Variants in KIF16B observed in about 807,000 individuals in gnomAD.
KIF16B encodes the protein kinesin-like protein KIF16B.
In KIF16B, 98 loss-of-function variants were observed where a neutral mutation model predicts 156.3. The observed-to-expected ratio is 0.63, with a 90% CI of 0.53 to 0.74. The LOEUF is 0.74. Among genes scored for constraint, KIF16B ranks in the 30% least tolerant of loss-of-function variants. The probability of loss-of-function intolerance (pLI) is 0.00; values close to 1 mark genes in which losing one functional copy is unlikely to be tolerated. For synonymous variants in KIF16B, 564 were observed against 583.7 expected (o/e 0.97, Z 0.49); for missense variants, 1,421 against 1,606.5 (o/e 0.88, Z 1.97).
chr20:16,496,780 A>G (rs1471677971), intron 11 of KIF16B, among the ~76,000 whole-genome samples: 1 of 152,238 alleles, frequency 6.6e-6, no homozygotes, highest in Non-Finnish European at 1.5e-5. Flanking sequence ...AATAGGGATT[A>G]AGAAATTAAT....
intron 15 of KIF16B, among the ~76,000 whole-genome samples, chr20:16,423,796 C>T (rs570539803): frequency 6.6e-6 from 1 of 152,172 alleles, no homozygotes; most frequent in African/African-American, 2.4e-5. Context: ...CCACAGAGAA[C>T]AGACAGTTGA....
At chr20:16,427,840 T>C (rs750494996) in intron 14 of KIF16B, among the ~76,000 whole-genome samples, 2 of 152,158 alleles carry the variant, frequency 1.3e-5, no homozygotes, top group African/African-American at 2.4e-5. Context: ...TATCTATTCA[T>C]GTATAACTCT....
intron 12 of KIF16B, among the ~76,000 whole-genome samples, chr20:16,474,740 A>C (rs1025703667): frequency 3.9e-5 from 6 of 152,230 alleles, no homozygotes; most frequent in Admixed American, 6.5e-5. Flanking sequence ...CATAGACCTC[A>C]GCTCTGGCAA....
intron 17 of KIF16B, among the ~76,000 whole-genome samples, 199 bp from the exon 18 acceptor site, chr20:16,381,946 G>A (rs1375018889): frequency 6.6e-6 from 1 of 152,154 alleles, no homozygotes; most frequent in Non-Finnish European, 1.5e-5. Context: ...TTGGGTACTT[G>A]AACTCAGGCT....
At chr20:16,503,908 A>G (rs1406467036) in intron 10 of KIF16B, among the ~76,000 whole-genome samples, 1 of 152,200 alleles carries the variant, frequency 6.6e-6, no homozygotes, top group Admixed American at 6.5e-5. Flanking sequence ...GGTGTAATAT[A>G]CATGTGTCGC....
Position 16,573,268 on chromosome 20 carries a change from G to T in KIF16B, c.8C>A (p.Ser3Ter). The T allele has an allele frequency of 6.2e-7, 1 of 1,609,290 alleles. No individual in the cohort carries two copies. Among genetic ancestry groups the T allele is most frequent in the Non-Finnish European group, 8.5e-7 (1 of 1,178,772 alleles). ...CCGGACCCTCACGGCCACCTTGACC[G>T]ATGCCATCGCTCATCCCGAACCAGC... The part of the protein sequence containing the change: MA[S>*]VKVAVRVRPM... The change falls in exon 1 of 26, where the codon TCG becomes TAG. Residue 3 changes from serine to a stop codon, truncating the protein, a stop_gained. Coordinates refer to ENST00000354981, the MANE Select transcript of KIF16B (RefSeq NM_024704.5). LOFTEE classifies it high-confidence loss of function.
At chr20:16,453,384 C>T (rs764855906) in intron 12 of KIF16B, among the ~76,000 whole-genome samples, 2 of 152,004 alleles carry the variant, frequency 1.3e-5, no homozygotes, top group Non-Finnish European at 2.9e-5. Context: ...AAATAAAATA[C>T]TATAAATTTC....
chr20:16,517,337 A>G (rs2069175585), intron 3 of KIF16B, among the ~76,000 whole-genome samples: 1 of 152,252 alleles, frequency 6.6e-6, no homozygotes, highest in Non-Finnish European at 1.5e-5. Flanking sequence ...AAGAGCTGAC[A>G]GTTTTCAATC....
At chr20:16,558,396 T>C (rs1486572479) in intron 1 of KIF16B, among the ~76,000 whole-genome samples, 4 of 152,280 alleles carry the variant, frequency 2.6e-5, no homozygotes, top group African/African-American at 9.6e-5. Flanking sequence ...TTGATGTGTC[T>C]CTCCCACACC....
chr20:16,280,121 A>T (rs1343352513), intron 25 of KIF16B, among the ~76,000 whole-genome samples: 2 of 152,252 alleles, frequency 1.3e-5, no homozygotes, highest in Non-Finnish European at 2.9e-5. Flanking sequence ...CTTTGGAGTT[A>T]CTGGAAAAAT....
chr20:16,366,024 G>A (rs569204012), intron 22 of KIF16B, among the ~76,000 whole-genome samples: 17 of 152,086 alleles, frequency 1.1e-4, no homozygotes, highest in African/African-American at 3.9e-4. Flanking sequence ...AGGGTCAGGT[G>A]AAATTAAAAA....
At chr20:16,408,460 A>G (rs2065840602) in intron 15 of KIF16B, among the ~76,000 whole-genome samples, 1 of 152,188 alleles carries the variant, frequency 6.6e-6, no homozygotes, top group Admixed American at 6.6e-5. Context: ...CTAAGCAGCC[A>G]CGTCTAGGAT....
At chr20:16,503,440 A>G (rs1448374523) in intron 10 of KIF16B, among the ~76,000 whole-genome samples, 9 of 152,212 alleles carry the variant, frequency 5.9e-5, no homozygotes, top group Admixed American at 5.9e-4. Context: ...TTCAGGACAC[A>G]GGAAATTCAG....
intron 24 of KIF16B, among the ~76,000 whole-genome samples, chr20:16,323,270 T>C (rs1360926448): frequency 2.0e-5 from 3 of 152,046 alleles, no homozygotes; most frequent in Admixed American, 6.6e-5. Context: ...AAATCTGCTA[T>C]AACCTGTCTT....
At chr20:16,281,519 C>A (rs1034651360) in intron 25 of KIF16B, among the ~76,000 whole-genome samples, 2 of 152,166 alleles carry the variant, frequency 1.3e-5, no homozygotes, top group Non-Finnish European at 2.9e-5. Flanking sequence ...CCAGTCAAGT[C>A]TTCCCAATTC....
At chr20:16,432,238 G>A (rs1655236604) in intron 12 of KIF16B, among the ~76,000 whole-genome samples, 1 of 152,060 alleles carries the variant, frequency 6.6e-6, no homozygotes, top group Non-Finnish European at 1.5e-5. Context: ...TTGAGGTTGG[G>A]CTGAACCAGG....
chr20:16,408,794 T>G (rs1017726656), intron 15 of KIF16B, among the ~76,000 whole-genome samples: 4 of 152,166 alleles, frequency 2.6e-5, no homozygotes, highest in Non-Finnish European at 5.9e-5. Flanking sequence ...TTGAGTCAAC[T>G]GTCTGGCATG....
chr20:16,340,137 T>C (rs1201704725), intron 23 of KIF16B, among the ~76,000 whole-genome samples: 1 of 152,198 alleles, frequency 6.6e-6, no homozygotes, highest in African/African-American at 2.4e-5. Flanking sequence ...ATACCCAAGA[T>C]GCTACACAGC....
intron 25 of KIF16B, among the ~76,000 whole-genome samples, chr20:16,275,304 C>G (rs568963698): frequency 2.0e-4 from 31 of 152,276 alleles, no homozygotes; most frequent in African/African-American, 7.2e-4. Flanking sequence ...GATCCACCCC[C>G]CTTGGCCTCC....
Sources: gnomAD v4.1 joint callset for allele counts (sites outside exome capture counted in the v4.1 genomes callset) on GRCh38, gnomAD v4.1.1 for gene constraint, MANE v1.5 for transcripts, NCBI Gene and HGNC (gene_info 2026-07-23, HGNC 2026-07-21) for gene names.